Variants in DPP6 observed in about 807,000 individuals in gnomAD.
DPP6 encodes dipeptidyl peptidase like 6.
Under a neutral mutation model 122.6 loss-of-function variants are expected in DPP6, and 69 were observed. That is an observed-to-expected ratio of 0.56 (90% CI 0.46 to 0.69). The LOEUF (loss-of-function observed/expected upper bound fraction) is 0.69. Among genes scored for constraint, DPP6 ranks in the 30% least tolerant of loss-of-function variants. DPP6 has a pLI of 0.00. For missense variants in DPP6, 928 were observed against 1,116.9 expected (o/e 0.83, Z 2.41); for synonymous variants, 418 against 433.1 (o/e 0.97, Z 0.43).
intron 1 of DPP6, among the ~76,000 whole-genome samples, chr7:154,105,409 T>A (rs1806087136): frequency 6.6e-6 from 1 of 152,214 alleles, no homozygotes; most frequent in Non-Finnish European, 1.5e-5. Context: ...TGTGTCTGAT[T>A]CTGTGTGACC....
At chr7:154,653,946 C>T (rs181461721) in intron 6 of DPP6, among the ~76,000 whole-genome samples, 1 of 147,886 alleles carries the variant, frequency 6.8e-6, no homozygotes, top group East Asian at 2.0e-4. Flanking sequence ...TCTGGAGATT[C>T]AAGCAACCTC....
intron 16 of DPP6, among the ~76,000 whole-genome samples, chr7:154,814,363 C>T (rs1799282412): frequency 6.6e-6 from 1 of 152,126 alleles, no homozygotes; most frequent in African/African-American, 2.4e-5. Context: ...TTCTCCAAGA[C>T]TTTCAGGGCA....
At chr7:154,591,571 A>G (rs1832810470) in intron 5 of DPP6, among the ~76,000 whole-genome samples, 1 of 152,152 alleles carries the variant, frequency 6.6e-6, no homozygotes, top group African/African-American at 2.4e-5. Flanking sequence ...TAAAGTCTGG[A>G]AGGAGACAGG....
At chr7:154,162,814 A>C (rs1373508631) in intron 1 of DPP6, among the ~76,000 whole-genome samples, 1 of 152,080 alleles carries the variant, frequency 6.6e-6, no homozygotes, top group Non-Finnish European at 1.5e-5. Context: ...GCTGGTGTTG[A>C]GTGGAACTCT....
intron 3 of DPP6, among the ~76,000 whole-genome samples, chr7:154,501,828 C>A (rs539447802): frequency 6.6e-6 from 1 of 152,292 alleles, no homozygotes; most frequent in Non-Finnish European, 1.5e-5. Flanking sequence ...GTTCTCCAGA[C>A]CCCAGAATGG....
rs76059321 is a variant in DPP6 at position 154,796,361 on chromosome 7, G to A, written c.1299+478G>A. 2.0e-3 allele frequency: 308 copies of A among 154,962 alleles called. 2 individuals are homozygous for A. Among genetic ancestry groups the A allele is most frequent in the East Asian group, 0.018 (93 of 5,288 alleles). The allele number at this position is 154,962 out of a possible 1,614,324, so 9.6% of individuals were successfully genotyped here. ...GACATAACTGCAAACCATCCCTGGA[G>A]AGTCTTCATCCCTAACTCAGATAAA... On this transcript the variant is annotated intron_variant, in intron 12 of 25. Coordinates refer to ENST00000377770, the MANE Select transcript of DPP6 (RefSeq NM_130797.4).
chr7:154,442,831 C>T (rs1436826167), intron 1 of DPP6, among the ~76,000 whole-genome samples: 1 of 152,122 alleles, frequency 6.6e-6, no homozygotes, highest in Admixed American at 6.5e-5. Flanking sequence ...CCCAGCATAC[C>T]CACCACTGCC....
intron 1 of DPP6, among the ~76,000 whole-genome samples, chr7:154,318,359 A>C (rs1357024694): frequency 6.6e-6 from 1 of 152,174 alleles, no homozygotes; most frequent in Admixed American, 6.5e-5. Context: ...TATCCTGTAA[A>C]GAGGTATAAT....
intron 8 of DPP6, among the ~76,000 whole-genome samples, chr7:154,750,214 C>A (rs534927527): frequency 6.6e-6 from 1 of 152,318 alleles, no homozygotes; most frequent in East Asian, 1.9e-4. Flanking sequence ...TCTGAAAGGC[C>A]TGCAGCAGGC....
intron 16 of DPP6, among the ~76,000 whole-genome samples, chr7:154,847,301 T>G (rs932157247): frequency 6.6e-6 from 1 of 152,224 alleles, no homozygotes; most frequent in Non-Finnish European, 1.5e-5. Flanking sequence ...ATGTATATTA[T>G]TATGAATACA....
rs71182849 is a variant in DPP6 at position 153,891,018 on chromosome 7, A to AT, written c.51+3305dup. Among the ~76,000 whole-genome samples the AT allele has an allele frequency of 2.9e-3, 172 of 59,184 alleles. 2 individuals carry two copies. Among genetic ancestry groups the AT allele is most frequent in the East Asian group, 9.3e-3 (19 of 2,048 alleles). 38.8% of individuals were successfully genotyped at this position (59,184 alleles called of 152,430 possible). On this transcript the variant is annotated intron_variant, in intron 1 of 25. Coordinates refer to the DPP6 transcript ENST00000404039. Reference sequence around the variant, plus strand: ...TGGCCAGTTTAGAACTTCTATTTTAATTTTTTTTTTTTTTTTTTTTTGAGA... The same window carrying AT: ...TGGCCAGTTTAGAACTTCTATTTTAATTTTTTTTTTTTTTTTTTTTTTGAGA...
At chr7:154,470,786 A>G (rs1822195682) in intron 2 of DPP6, among the ~76,000 whole-genome samples, 1 of 152,206 alleles carries the variant, frequency 6.6e-6, no homozygotes, top group Admixed American at 6.5e-5. Flanking sequence ...TTTATTTTTC[A>G]GTGATCCCTG....
chr7:154,450,532 A>G (rs749313600), intron 2 of DPP6, among the ~76,000 whole-genome samples: 1 of 147,722 alleles, frequency 6.8e-6, no homozygotes, highest in Non-Finnish European at 1.5e-5. Flanking sequence ...TGCCTTAAAA[A>G]CTTGTGTAAC....
intron 1 of DPP6, among the ~76,000 whole-genome samples, chr7:154,337,579 G>A (rs1221223864): frequency 6.6e-6 from 1 of 152,144 alleles, no homozygotes; most frequent in South Asian, 2.1e-4. Context: ...TGTCATTTCT[G>A]AGTCTTCAAA....
At chr7:154,592,780 A>G (rs749077125) in intron 5 of DPP6, among the ~76,000 whole-genome samples, 7 of 152,108 alleles carry the variant, frequency 4.6e-5, no homozygotes, top group Non-Finnish European at 7.4e-5. Flanking sequence ...TGATGTTTGA[A>G]CATGTCATCC....
At chr7:153,868,225 G>A in the DPP6 span, among the ~76,000 whole-genome samples, 1 of 152,090 alleles carries the variant, frequency 6.6e-6, no homozygotes, top group South Asian at 2.1e-4. Flanking sequence ...CAGAAGGAAT[G>A]GTACCAGCTC....
chr7:153,847,736 C>T, the DPP6 span, among the ~76,000 whole-genome samples: 3,570 of 152,276 alleles, frequency 0.023, 119 homozygotes, highest in African/African-American at 0.08. Context: ...TGATGGGCAG[C>T]AATTGAAATC....
chr7:154,681,598 G>A (rs999803806), intron 7 of DPP6, among the ~76,000 whole-genome samples: 3 of 152,162 alleles, frequency 2.0e-5, no homozygotes, highest in South Asian at 2.1e-4. Flanking sequence ...CGGGTAGGGC[G>A]GGGGAGGGCT....
chr7:153,982,801 C>T (rs1796655306), intron 1 of DPP6, among the ~76,000 whole-genome samples: 1 of 152,180 alleles, frequency 6.6e-6, no homozygotes, highest in African/African-American at 2.4e-5. Flanking sequence ...CAGTCAGTCA[C>T]CTCTTCTGCA....
Sources: allele counts gnomAD v4.1 joint callset (sites outside exome capture counted in the v4.1 genomes callset), GRCh38; gene constraint gnomAD v4.1.1; transcripts MANE v1.5; gene names NCBI Gene and HGNC (gene_info 2026-07-23, HGNC 2026-07-21).